Variants in FAM124A observed in about 807,000 individuals in gnomAD.
FAM124A encodes family with sequence similarity 124 member A, also known as protein FAM124A.
Under a neutral mutation model 24.5 loss-of-function variants are expected in FAM124A, and 23 were observed. The ratio of observed to expected loss-of-function variants is 0.94; its 90% CI spans 0.68 to 1.33. FAM124A has a LOEUF of 1.33. FAM124A is among the 40% of genes most tolerant of loss of function. FAM124A has a pLI of 0.00. For missense variants in FAM124A, 623 were observed against 722.8 expected, an observed-to-expected ratio of 0.86 and a Z score of 1.58; for synonymous variants, 287 against 314.7, an observed-to-expected ratio of 0.91 and a Z score of 0.93.
rs1302585261 is a variant in FAM124A, at chr13:51,258,620, G to A, written c.834+6419G>A. Among the ~76,000 whole-genome samples the A allele has an allele frequency of 6.6e-6, 1 of 152,184 alleles. No individual in the cohort carries two copies. Among genetic ancestry groups the A allele is most frequent in the Non-Finnish European group, 1.5e-5 (1 of 68,034 alleles). On this transcript the variant is annotated intron_variant, in intron 3 of 3. Coordinates refer to ENST00000322475, the MANE Select transcript of FAM124A (RefSeq NM_001242312.2). This position sits in a 1 kb window ranked among gnomAD's most constrained non-coding sequence, Gnocchi z 4.2. ...GCTGTGGCTTCAAAACTCATCCAGGGCAGCACGTGGCATGGGCTTCAGAGT... is the reference window on the plus strand; with the variant it reads ...GCTGTGGCTTCAAAACTCATCCAGGACAGCACGTGGCATGGGCTTCAGAGT...
chr13:51,230,328 A>G (rs1304333132), intron 1 of FAM124A, among the ~76,000 whole-genome samples: 1 of 152,176 alleles, frequency 6.6e-6, no homozygotes, highest in Admixed American at 6.5e-5. Context: ...AAAGTTTTGC[A>G]TGTACTTTTT....
At position 51,280,724 on chromosome 13, in the gene FAM124A, G is replaced by GC. The variant is rs751372590; in HGVS notation, c.1113dup (p.Ser372LeufsTer7). ...TCCTTGTTTTGTTTGCCCACGGGAG[G>GC]CCCCTCCCTGGCCTCCTCAGCTGAA... On this transcript the variant is annotated frameshift_variant, in exon 4 of 4. Transcript: ENST00000322475. LOFTEE classifies it low-confidence loss of function (END_TRUNC). 6.8e-6 allele frequency: 11 copies of GC among 1,614,132 alleles called. No individual in the cohort carries two copies. The South Asian group carries it at 1.2e-4, about 18-fold the overall frequency.
chr13:51,240,852 C>T (rs757067245), intron 2 of FAM124A, among the ~76,000 whole-genome samples: 11 of 152,244 alleles, frequency 7.2e-5, no homozygotes, highest in Admixed American at 1.3e-4. Context: ...CTGCAGGGCT[C>T]AGCCCAGGAG....
intron 3 of FAM124A, among the ~76,000 whole-genome samples, chr13:51,270,076 C>T (rs1566173952): frequency 1.3e-5 from 2 of 152,258 alleles, no homozygotes; most frequent in East Asian, 1.9e-4. Flanking sequence ...CCAGATCCTG[C>T]GGACATGGGG....
chr13:51,281,456 C>A lies in FAM124A; in HGVS notation c.*200C>A. ...GCAGAAAAATACTGGCATTTTTATG[C>A]AAATAAATTCTCAACAAACTTGTCA... On this transcript the variant is annotated 3_prime_UTR_variant, in exon 4 of 4. Transcript: ENST00000322475. 2.1e-6 allele frequency: 1 copy of A among 476,752 alleles called. No individual in the cohort carries two copies. The allele number at this position is 476,752 out of a possible 1,614,324, so 29.5% of individuals were successfully genotyped here.
At chr13:51,277,174 C>G (rs188645414) in intron 3 of FAM124A, among the ~76,000 whole-genome samples, 51 of 152,196 alleles carry the variant, frequency 3.4e-4, no homozygotes, top group Admixed American at 1.1e-3. Context: ...ACATCTTTTA[C>G]AGCCACATGG....
At chr13:51,252,337 G>C in intron 3 of FAM124A, 136 bp downstream of exon 3, 1 of 1,270,338 alleles carries the variant, frequency 7.9e-7, no homozygotes. Context: ...GCTCCTAGTC[G>C]AAGTCAAAGT....
chr13:51,224,943 C>A (rs1481130588), intron 1 of FAM124A, among the ~76,000 whole-genome samples: 1 of 152,158 alleles, frequency 6.6e-6, no homozygotes, highest in Admixed American at 6.5e-5. Flanking sequence ...CTCTGCCCTT[C>A]CCACCTGACT....
Position 51,280,588 on chromosome 13 carries a change from A to C in FAM124A, c.973A>C (p.Ser325Arg). Residue 325 changes from serine to arginine, a missense_variant, in exon 4 of 4, where the codon AGT (serine) becomes CGT (arginine). Physicochemically the swap from Ser to Arg is moderately radical, Grantham distance 110. Coordinates refer to ENST00000322475, the MANE Select transcript of FAM124A (RefSeq NM_001242312.2). Reference protein sequence around the residue: ...PGSSQQSPLNSPHPGPIRTGL... With the variant: ...PGSSQQSPLNRPHPGPIRTGL... ...CAGCAGCCAGCAGTCCCCGCTCAAC[A>C]GTCCTCACCCGGGGCCCATCCGGAC... is the stretch of plus-strand genomic sequence containing the variant. 6.2e-7 allele frequency: 1 copy of C among 1,614,066 alleles called. No homozygotes were observed. Among genetic ancestry groups the C allele is most frequent in the African/African-American group, 1.3e-5 (1 of 75,024 alleles).
intron 1 of FAM124A, among the ~76,000 whole-genome samples, chr13:51,230,429 A>G (rs986685724): frequency 6.6e-6 from 1 of 152,238 alleles, no homozygotes; most frequent in African/African-American, 2.4e-5. Context: ...GTATATCTAT[A>G]AAATTAAACA....
chr13:51,243,355 A>G (rs1427180207), intron 2 of FAM124A, among the ~76,000 whole-genome samples: 3 of 152,174 alleles, frequency 2.0e-5, no homozygotes, highest in African/African-American at 7.2e-5. Flanking sequence ...TATTCATTAC[A>G]TTCCGGATGA....
At chr13:51,259,048 C>T (rs992538070) in intron 3 of FAM124A, among the ~76,000 whole-genome samples, 7 of 152,150 alleles carry the variant, frequency 4.6e-5, no homozygotes, top group Admixed American at 4.6e-4. Flanking sequence ...TCTGGTGAGA[C>T]ACTAACTCAG....
chr13:51,264,581 G>A (rs550230016), intron 3 of FAM124A, among the ~76,000 whole-genome samples: 7 of 151,998 alleles, frequency 4.6e-5, no homozygotes, highest in African/African-American at 1.4e-4. Flanking sequence ...CTATGATCGC[G>A]TCCGTGAATA....
intron 2 of FAM124A, among the ~76,000 whole-genome samples, chr13:51,233,803 T>C (rs1954405549): frequency 6.6e-6 from 1 of 152,184 alleles, no homozygotes; most frequent in Non-Finnish European, 1.5e-5. Context: ...AAAAAAAATA[T>C]TTCCTAAGTA....
At chr13:51,276,767 C>T (rs912174875) in intron 3 of FAM124A, among the ~76,000 whole-genome samples, 22 of 152,260 alleles carry the variant, frequency 1.4e-4, no homozygotes, top group Middle Eastern at 6.8e-3. Flanking sequence ...TTGAGACAGC[C>T]CCAAATTTGT....
intron 1 of FAM124A, 92 bp from the exon 2 acceptor site, chr13:51,231,256 T>C: frequency 1.4e-6 from 2 of 1,394,914 alleles, no homozygotes; most frequent in Non-Finnish European, 2.0e-6. Flanking sequence ...CTTTACCAGC[T>C]AAATGCTACT....
intron 3 of FAM124A, among the ~76,000 whole-genome samples, chr13:51,256,770 C>A (rs58934553): frequency 0.095 from 14,505 of 152,184 alleles, 919 homozygotes; most frequent in East Asian, 0.27. Flanking sequence ...TATTGTGCAA[C>A]CATCACCACC....
intron 1 of FAM124A, among the ~76,000 whole-genome samples, chr13:51,223,207 T>C (rs1300897971): frequency 6.6e-6 from 1 of 151,888 alleles, no homozygotes; most frequent in Non-Finnish European, 1.5e-5. Context: ...TTTTTTTTTT[T>C]TAATATTCTC....
rs962204459 is a variant in FAM124A, at chr13:51,283,999, G to A, written c.*2743G>A. ...ATGCAAAATGTTCCCATAGCATCAG[G>A]TGAGCAGGGAGAGGATGCCCACTGT... On this transcript the variant is annotated 3_prime_UTR_variant, in exon 4 of 4. Coordinates refer to ENST00000322475, the MANE Select transcript of FAM124A (RefSeq NM_001242312.2). 5 of 152,156 alleles carry A rather than the reference G, an allele frequency of 3.3e-5. No individual in the cohort carries two copies. The highest frequency in any genetic ancestry group is 7.3e-5 in the Non-Finnish European group (5 of 68,054). The allele number at this position is 152,156 out of a possible 1,614,324, so 9.4% of individuals were successfully genotyped here. A position where few individuals can be genotyped will look rare whatever the true frequency, so the allele number is the denominator to read the frequency against.
Sources: gnomAD v4.1 joint callset for allele counts (sites outside exome capture counted in the v4.1 genomes callset) on GRCh38, gnomAD v4.1.1 for gene constraint, Gnocchi (gnomAD v3.1) non-coding constraint, MANE v1.5 for transcripts, NCBI Gene and HGNC (gene_info 2026-07-23, HGNC 2026-07-21) for gene names.